The following TAS2R10 variants were observed in gnomAD, a reference collection of about 807,000 sequenced individuals.
The protein encoded by TAS2R10 is taste 2 receptor member 10.
For missense variants in TAS2R10, 385 were observed against 362.0 expected, an observed-to-expected ratio of 1.06 and a Z score of -0.52; for synonymous variants, 144 against 126.6, an observed-to-expected ratio of 1.14 and a Z score of -0.92.
chr12:10,826,307 C>T (rs1399851290), exon 1 of TAS2R10: 1 of 1,413,274 alleles, frequency 7.1e-7, no homozygotes, highest in Non-Finnish European at 9.7e-7. Flanking sequence ...TTACATCTAT[C>T]TTAGATTACC....
exon 1 of TAS2R10, chr12:10,825,941 A>G (rs1236020486): frequency 2.1e-5 from 34 of 1,613,602 alleles, no homozygotes; most frequent in Middle Eastern, 1.6e-4. Context: ...AAAATTTGCT[A>G]TCTTCAGGAA....
chr12:10,825,625 T>C (rs1948858986), exon 1 of TAS2R10: 1 of 1,613,824 alleles, frequency 6.2e-7, no homozygotes, highest in Non-Finnish European at 8.5e-7. Flanking sequence ...TGTTGGAGTC[T>C]CTCAATCCTG....
At chr12:10,825,660 T>G in exon 1 of TAS2R10, 1 of 1,613,754 alleles carries the variant, frequency 6.2e-7, no homozygotes, top group Non-Finnish European at 8.5e-7. Flanking sequence ...ATCTGCCTGT[T>G]GTGTCTCCAA....
chr12:10,825,897 T>G, exon 1 of TAS2R10: 1 of 1,613,586 alleles, frequency 6.2e-7, no homozygotes, highest in South Asian at 1.1e-5. Context: ...ACCATATTTG[T>G]TCTGCTCTTC....
chr12:10,826,251 C>A (rs1331696596), exon 1 of TAS2R10: 1 of 1,609,374 alleles, frequency 6.2e-7, no homozygotes, highest in East Asian at 2.2e-5. Flanking sequence ...ATGAAGATGC[C>A]TTCCACTACA....
exon 1 of TAS2R10, chr12:10,825,843 T>C (rs570166631): frequency 6.2e-7 from 1 of 1,612,686 alleles, no homozygotes; most frequent in Non-Finnish European, 8.5e-7. Context: ...TATGCAAAAT[T>C]AAGTAACGAT....
chr12:10,825,255 G>A (rs1242831659), downstream of TAS2R10: 7 of 981,006 alleles, frequency 7.1e-6, no homozygotes, highest in Admixed American at 1.6e-4. Context: ...CAGTTAAAAA[G>A]ACAATGCAAG....
chr12:10,825,826 C>A, exon 1 of TAS2R10: 1 of 1,612,462 alleles, frequency 6.2e-7, no homozygotes, highest in African/African-American at 1.3e-5. Context: ...TAAGAATCTT[C>A]GCAATGTATG....
exon 1 of TAS2R10, chr12:10,825,737 A>G (rs1429387520): frequency 3.1e-6 from 5 of 1,613,418 alleles, no homozygotes; most frequent in Non-Finnish European, 4.2e-6. Flanking sequence ...TCCCAGATTT[A>G]GCAAAATCTG....
downstream of TAS2R10, chr12:10,825,287 T>A: frequency 1.5e-6 from 2 of 1,321,810 alleles, no homozygotes; most frequent in East Asian, 2.3e-5. Flanking sequence ...ATGAAACAGA[T>A]CTTCAAGGAT....
exon 1 of TAS2R10, chr12:10,826,149 A>T (rs759433159): frequency 1.9e-5 from 30 of 1,613,426 alleles, no homozygotes; most frequent in Non-Finnish European, 2.5e-5. Flanking sequence ...CCAATCGTAG[A>T]TAACTTATTC....
At chr12:10,826,002 T>G (rs1027856889) in exon 1 of TAS2R10, 6 of 1,613,500 alleles carry the variant, frequency 3.7e-6, no homozygotes, top group Non-Finnish European at 5.1e-6. Context: ...TGATTACCAA[T>G]TACCCAAAAG....
At chr12:10,825,559 G>C (rs1180878881) in exon 1 of TAS2R10, 1 of 1,613,504 alleles carries the variant, frequency 6.2e-7, no homozygotes, top group Non-Finnish European at 8.5e-7. Context: ...TAAAATACAA[G>C]ATAAAGAGGA....
chr12:10,826,045 A>T, the TAS2R10 span: 1 of 1,613,210 alleles, frequency 6.2e-7, no homozygotes, highest in South Asian at 1.1e-5. Context: ...TACCGGAGGC[A>T]TATATATTTG....
At chr12:10,825,889 C>A (rs747565392) in exon 1 of TAS2R10, 2 of 1,613,168 alleles carry the variant, frequency 1.2e-6, no homozygotes, top group South Asian at 2.2e-5. Context: ...AGGGAAGAAC[C>A]ATATTTGTTC....
chr12:10,826,189 A>G (rs1948865780), exon 1 of TAS2R10: 2 of 1,613,422 alleles, frequency 1.2e-6, no homozygotes, highest in Non-Finnish European at 8.5e-7. Context: ...TTACAAGTCC[A>G]ATAAATCCAT....
At chr12:10,825,387 A>T in exon 1 of TAS2R10, 1 of 1,612,400 alleles carries the variant, frequency 6.2e-7, no homozygotes. Flanking sequence ...CAGCACTTCA[A>T]TTGCTGCAGT....
At chr12:10,825,335 T>A (rs757507933) in exon 1 of TAS2R10, 1 of 1,588,020 alleles carries the variant, frequency 6.3e-7, no homozygotes, top group Non-Finnish European at 8.6e-7. Context: ...ATCCATCTCT[T>A]CCCAAGGTGT....
At chr12:10,826,264 T>A in exon 1 of TAS2R10, 1 of 1,599,144 alleles carries the variant, frequency 6.3e-7, no homozygotes, top group Non-Finnish European at 8.5e-7. Flanking sequence ...CCACTACACG[T>A]AGCATATCTG....
Sources: gnomAD v4.1 joint callset for allele counts on GRCh38, gnomAD v4.1.1 for gene constraint, MANE v1.5 for transcripts, NCBI Gene and HGNC (gene_info 2026-07-23, HGNC 2026-07-21) for gene names.